SDR42E2: variants seen among roughly 807,000 people sequenced by gnomAD.
SDR42E2 encodes the protein putative short-chain dehydrogenase/reductase family 42E member 2.
A neutral mutation model predicts 10.5 loss-of-function variants in SDR42E2; 20 were observed. The ratio of observed to expected loss-of-function variants is 1.90; its 90% CI spans 1.34 to 2.77. The LOEUF (loss-of-function observed/expected upper bound fraction) is 2.77. Among genes scored for constraint, SDR42E2 ranks in the 30% most tolerant of loss-of-function variants. SDR42E2 has a pLI of 0.00. For synonymous variants in SDR42E2, 72 were observed against 39.2 expected (o/e 1.84, Z -3.12); for missense variants, 162 against 104.2 (o/e 1.55, Z -2.42).
In SDR42E2 at chr16:22,191,616, T is replaced by G. The variant is rs1309930190; in HGVS notation, c.*1223T>G. The stretch of plus-strand genomic sequence containing the variant: ...TCTGCCGAGCCCGACTTGGCCTTTT[T>G]GGGTTCCTGTCTGAGGATGACAGCA... On this transcript the variant is annotated 3_prime_UTR_variant, in exon 13 of 13. Transcript: ENST00000602312. 1 of 152,006 alleles carries G rather than the reference T, an allele frequency of 6.6e-6. No homozygotes were observed. Among genetic ancestry groups the G allele is most frequent in the Non-Finnish European group, 1.5e-5 (1 of 68,016 alleles). 9.4% of individuals were successfully genotyped at this position (152,006 alleles called of 1,614,324 possible).
chr16:22,169,693 G>A (rs886806845), intron 5 of SDR42E2, among the ~76,000 whole-genome samples, 191 bp downstream of exon 5: 7 of 152,148 alleles, frequency 4.6e-5, no homozygotes, highest in African/African-American at 1.4e-4. Context: ...GGGAACATGG[G>A]GACCAGAGTT....
At chr16:22,174,997 GTTC>G (rs1314114996) in intron 7 of SDR42E2, among the ~76,000 whole-genome samples, 1 of 152,112 alleles carries the variant, frequency 6.6e-6, no homozygotes, top group Non-Finnish European at 1.5e-5. Flanking sequence ...TCCTGAAACT[GTTC>G]TTCTGACTCG....
intron 4 of SDR42E2, among the ~76,000 whole-genome samples, chr16:22,167,919 A>T (rs973534497): frequency 6.6e-6 from 1 of 152,250 alleles, no homozygotes; most frequent in Non-Finnish European, 1.5e-5. Context: ...GCTGATATTA[A>T]TAAGAATAGA....
chr16:22,181,660 A>G lies in SDR42E2; in HGVS notation c.810+4A>G. The G allele has an allele frequency of 1.4e-6, 1 of 702,610 alleles. No individual in the cohort carries two copies. The highest frequency in any genetic ancestry group is 2.6e-6 in the Non-Finnish European group (1 of 384,830). The allele number at this position is 702,610 out of a possible 1,614,324, so 43.5% of individuals were successfully genotyped here. On this transcript the variant is annotated splice_donor_region_variant and intron_variant, in intron 9 of 12. Transcript: ENST00000602312. ...CACGGCCAAGGGCTACGTGGCTGTGAGTCCCCTCTGATGCCCCCAACCACC... is the reference window on the plus strand; with the variant it reads ...CACGGCCAAGGGCTACGTGGCTGTGGGTCCCCTCTGATGCCCCCAACCACC...
chr16:22,173,414 T>C (rs909140266), intron 7 of SDR42E2, among the ~76,000 whole-genome samples: 6 of 152,078 alleles, frequency 3.9e-5, no homozygotes, highest in Middle Eastern at 3.4e-3. Flanking sequence ...GAGATGGGGT[T>C]TCACCATGTT....
At chr16:22,178,578 G>T (rs2046665702) in intron 8 of SDR42E2, among the ~76,000 whole-genome samples, 1 of 152,140 alleles carries the variant, frequency 6.6e-6, no homozygotes, top group African/African-American at 2.4e-5. Flanking sequence ...AGCCTCTAAA[G>T]GGTCGGGTGC....
At chr16:22,163,444 G>A (rs8046645) in intron 1 of SDR42E2, among the ~76,000 whole-genome samples, 7,928 of 152,192 alleles carry the variant, frequency 0.052, 690 homozygotes, top group African/African-American at 0.18. Context: ...AGTGGCTCAC[G>A]CCTGTAATCC....
Position 22,190,259 on chromosome 16 carries a change from C to G in SDR42E2, c.1135C>G (p.Arg379Gly). 2.5e-6 allele frequency: 1 copy of G among 401,400 alleles called. No individual in the cohort carries two copies. The highest frequency in any genetic ancestry group is 4.4e-6 in the Non-Finnish European group (1 of 226,352). 24.9% of individuals were successfully genotyped at this position (401,400 alleles called of 1,614,324 possible). A position where few individuals can be genotyped will look rare whatever the true frequency, so the allele number is the denominator to read the frequency against. The change falls in exon 13 of 13, where the codon CGG (arginine) becomes GGG (glycine). Residue 379 changes from arginine (R) to glycine (G), a missense_variant. Arg to Gly is a moderately radical substitution (Grantham distance 125). Coordinates refer to ENST00000602312, the MANE Select transcript of SDR42E2 (RefSeq NM_001394319.2). ...GGAGCTATACGTGCAGTCCACGACC[C>G]GGCGGCCCCGCGGCTCCACGGCGCG... Reference protein sequence around the residue: ...AVELYVQSTTRRPRGSTARTL... With the variant: ...AVELYVQSTTGRPRGSTARTL...
At chr16:22,181,833 T>C (rs746154454) in intron 9 of SDR42E2, among the ~76,000 whole-genome samples, 177 bp downstream of exon 9, 20 of 152,194 alleles carry the variant, frequency 1.3e-4, no homozygotes, top group Non-Finnish European at 2.6e-4. Context: ...GAGTTCTTTA[T>C]AGAGCATCTT....
Position 22,172,282 on chromosome 16 carries a change from A to G in SDR42E2, c.540A>G (p.Lys180=). ...DEHVDHYSRT[K]AIADQLTLMA... is the part of the protein sequence containing the mutation. Reference sequence around the variant, plus strand: ...ACGTAGACCACTACTCCCGAACCAAAGCCATCGCCGACCAATTGACCCTCA... The same window carrying G: ...ACGTAGACCACTACTCCCGAACCAAGGCCATCGCCGACCAATTGACCCTCA... Residue 180 remains lysine, a synonymous_variant, in exon 7 of 13, where the codon AAA becomes AAG. Coordinates refer to ENST00000602312, the MANE Select transcript of SDR42E2 (RefSeq NM_001394319.2). 1.4e-6 allele frequency: 1 copy of G among 703,162 alleles called. No homozygotes were observed. Among genetic ancestry groups the G allele is most frequent in the Non-Finnish European group, 2.6e-6 (1 of 384,992 alleles). 43.6% of individuals were successfully genotyped at this position (703,162 alleles called of 1,614,324 possible).
At chr16:22,169,027 C>G (rs532952847) in intron 4 of SDR42E2, among the ~76,000 whole-genome samples, 1 of 152,258 alleles carries the variant, frequency 6.6e-6, no homozygotes, top group South Asian at 2.1e-4. Context: ...TTTTTCACAT[C>G]CCAGCTCCCT....
chr16:22,165,770 C>T (rs1195009433), intron 2 of SDR42E2, 133 bp downstream of exon 2: 2 of 401,046 alleles, frequency 5.0e-6, no homozygotes, highest in Non-Finnish European at 8.8e-6. Flanking sequence ...AAAGCTATTC[C>T]AGGACCTCAG....
chr16:22,186,945 CA>C (rs1252483827), intron 12 of SDR42E2, among the ~76,000 whole-genome samples, 151 bp downstream of exon 12: 2 of 150,510 alleles, frequency 1.3e-5, no homozygotes, highest in Non-Finnish European at 2.9e-5. Context: ...CATGTGGGCC[CA>C]AAGCTGGTGC....
intron 1 of SDR42E2, among the ~76,000 whole-genome samples, chr16:22,163,536 G>A (rs540246143): frequency 7.2e-5 from 11 of 152,092 alleles, no homozygotes; most frequent in Admixed American, 2.0e-4. Context: ...TGAAACCCCC[G>A]TCTCTACTAA....
intron 5 of SDR42E2, among the ~76,000 whole-genome samples, chr16:22,169,946 C>T (rs1374738661): frequency 7.2e-5 from 11 of 152,070 alleles, no homozygotes; most frequent in Admixed American, 4.6e-4. Context: ...GCAGGAGAAT[C>T]GCTTGAATCT....
intron 6 of SDR42E2, among the ~76,000 whole-genome samples, chr16:22,171,845 T>C (rs2046604412): frequency 2.0e-5 from 3 of 152,196 alleles, no homozygotes; most frequent in African/African-American, 7.2e-5. Flanking sequence ...CCTCTGTTTC[T>C]TCAACCCAGT....
In SDR42E2 at chr16:22,178,187, A is replaced by C. The variant is rs1343003434; in HGVS notation, c.647A>C (p.Glu216Ala). 5.7e-6 allele frequency: 4 copies of C among 702,812 alleles called. No individual in the cohort carries two copies. Among genetic ancestry groups the C allele is most frequent in the Non-Finnish European group, 1.0e-5 (4 of 384,948 alleles). The allele number at this position is 702,812 out of a possible 1,614,324, so 43.5% of individuals were successfully genotyped here. Residue 216 changes from glutamate (E) to alanine (A), a missense_variant, in exon 8 of 13, where the codon GAG becomes GCG. Coordinates refer to ENST00000602312, the MANE Select transcript of SDR42E2 (RefSeq NM_001394319.2). ...CCTCCAGGGATCTACGGCCCTGAAG[A>C]GCAGAGGCACCTGCCCCGTGTGGCG... is the stretch of plus-strand genomic sequence containing the variant. ...LRPPGIYGPEEQRHLPRVAGH... is the reference protein window; with the variant it reads ...LRPPGIYGPEAQRHLPRVAGH...
At chr16:22,167,503 A>C (rs1177576457) in intron 4 of SDR42E2, among the ~76,000 whole-genome samples, 1 of 152,034 alleles carries the variant, frequency 6.6e-6, no homozygotes, top group Non-Finnish European at 1.5e-5. Context: ...GCCATTTTAT[A>C]ACTGTGTTAT....
chr16:22,177,303 C>T (rs2142071535), intron 7 of SDR42E2, among the ~76,000 whole-genome samples: 1 of 152,186 alleles, frequency 6.6e-6, no homozygotes, highest in Non-Finnish European at 1.5e-5. Context: ...AAGGACCTCT[C>T]CTGGTCCTTA....
Sources: allele counts gnomAD v4.1 joint callset (sites outside exome capture counted in the v4.1 genomes callset), GRCh38; gene constraint gnomAD v4.1.1; transcripts MANE v1.5; gene names NCBI Gene and HGNC (gene_info 2026-07-23, HGNC 2026-07-21).